The following CPNE4 variants were observed in gnomAD, a reference collection of about 807,000 sequenced individuals.
The protein encoded by CPNE4 is copine 4.
Under a neutral mutation model 67.9 loss-of-function variants are expected in CPNE4, and 25 were observed. The ratio of observed to expected loss-of-function variants is 0.37; its 90% CI spans 0.27 to 0.51. CPNE4 has a LOEUF of 0.51. CPNE4 is among the 20% of genes least tolerant of loss of function. CPNE4 has a pLI of 0.93. For missense variants in CPNE4, 464 were observed against 690.8 expected, an observed-to-expected ratio of 0.67 and a Z score of 3.68; for synonymous variants, 242 against 244.9, an observed-to-expected ratio of 0.99 and a Z score of 0.11.
chr3:131,932,855 T>C (rs1161156139), intron 1 of CPNE4, among the ~76,000 whole-genome samples: 1 of 152,078 alleles, frequency 6.6e-6, no homozygotes, highest in Non-Finnish European at 1.5e-5. Context: ...CCATCTCTAC[T>C]AAGAATACAA....
chr3:131,728,937 CG>C (rs370286812), intron 2 of CPNE4, among the ~76,000 whole-genome samples: 9 of 146,994 alleles, frequency 6.1e-5, no homozygotes, highest in African/African-American at 2.3e-4. Flanking sequence ...GGCTTGTGTG[CG>C]GGGCAATGTG....
chr3:131,893,696 A>G (rs2088208599), intron 2 of CPNE4, among the ~76,000 whole-genome samples: 1 of 152,030 alleles, frequency 6.6e-6, no homozygotes, highest in East Asian at 1.9e-4. Flanking sequence ...GAAATTAAAC[A>G]GCACGCTCTT....
intron 2 of CPNE4, among the ~76,000 whole-genome samples, chr3:131,893,791 C>T (rs977187893): frequency 4.0e-5 from 6 of 151,700 alleles, no homozygotes; most frequent in African/African-American, 1.4e-4. Flanking sequence ...TGCATCATAC[C>T]AAAACCTGTG....
At chr3:131,969,532 T>A (rs1354468983) in intron 1 of CPNE4, among the ~76,000 whole-genome samples, 2 of 152,144 alleles carry the variant, frequency 1.3e-5, no homozygotes, top group African/African-American at 4.8e-5. Flanking sequence ...TTTTAGCATA[T>A]AATAAACTCT....
chr3:131,558,396 C>G (rs1201833950), intron 11 of CPNE4, among the ~76,000 whole-genome samples: 2 of 152,008 alleles, frequency 1.3e-5, no homozygotes, highest in African/African-American at 4.8e-5. Flanking sequence ...ATTGGATCCA[C>G]TCAGCACCCA....
intron 14 of CPNE4, among the ~76,000 whole-genome samples, chr3:131,547,203 C>T (rs1368080991): frequency 6.6e-6 from 1 of 151,816 alleles, no homozygotes; most frequent in African/African-American, 2.4e-5. Context: ...GCCTATAACC[C>T]CAGAACGTTG....
At position 131,582,553 on chromosome 3, in the gene CPNE4, T is replaced by C. The variant is rs183156524; in HGVS notation, c.781-888A>G. Among the ~76,000 whole-genome samples, 19 of 152,354 alleles carry C rather than the reference T, an allele frequency of 1.2e-4. No homozygotes were observed. In the East Asian group the frequency reaches 3.7e-3, roughly 29 times the overall value. On this transcript the variant is annotated intron_variant, in intron 8 of 15. Transcript: ENST00000429747. ...CTGAGGCAGGTGCAAATGGATAGGC[T>C]GATATAGCAGTGGCCTCCCATAATC...
At chr3:131,687,993 G>A (rs2080937258) in intron 5 of CPNE4, among the ~76,000 whole-genome samples, 1 of 152,200 alleles carries the variant, frequency 6.6e-6, no homozygotes, top group African/African-American at 2.4e-5. Flanking sequence ...TGGAGACAAT[G>A]CTGGCAAAGT....
intron 9 of CPNE4, among the ~76,000 whole-genome samples, chr3:131,576,779 A>G (rs78852854): frequency 0.037 from 5,623 of 152,084 alleles, 299 homozygotes; most frequent in African/African-American, 0.12. Flanking sequence ...AAGCAGGCCT[A>G]GGATTGGATA....
intron 6 of CPNE4, among the ~76,000 whole-genome samples, chr3:131,676,687 T>C (rs888055906): frequency 1.3e-5 from 2 of 152,144 alleles, no homozygotes; most frequent in African/African-American, 4.8e-5. Flanking sequence ...CCTAGCTCCA[T>C]CCATGTCCTT....
chr3:131,979,820 G>A (rs1361831932), intron 1 of CPNE4, among the ~76,000 whole-genome samples: 1 of 151,932 alleles, frequency 6.6e-6, no homozygotes, highest in Non-Finnish European at 1.5e-5. Flanking sequence ...AAGAGACTCT[G>A]TTGTGATGTG....
intron 1 of CPNE4, among the ~76,000 whole-genome samples, chr3:132,017,249 G>A (rs913946371): frequency 6.6e-6 from 1 of 152,026 alleles, no homozygotes; most frequent in African/African-American, 2.4e-5. Context: ...GAAAGGAAAT[G>A]ATAAAAGAGA....
intron 2 of CPNE4, among the ~76,000 whole-genome samples, chr3:131,866,348 C>T (rs7621543): frequency 0.67 from 101,194 of 152,080 alleles, 34,047 homozygotes; most frequent in Admixed American, 0.74. Context: ...AGGGCTGAGG[C>T]CTCCGGGATC....
chr3:131,906,917 G>T (rs1386377865), intron 1 of CPNE4, among the ~76,000 whole-genome samples: 2 of 151,730 alleles, frequency 1.3e-5, no homozygotes, highest in Admixed American at 6.6e-5. Flanking sequence ...AGCACCTGTT[G>T]TTTCCTGACT....
At chr3:131,649,607 C>A (rs1582954815) in intron 7 of CPNE4, among the ~76,000 whole-genome samples, 1 of 152,282 alleles carries the variant, frequency 6.6e-6, no homozygotes. Flanking sequence ...ACTGTGAGAG[C>A]TGGGGCAAGT....
intron 10 of CPNE4, among the ~76,000 whole-genome samples, chr3:131,570,494 C>T (rs1179561157): frequency 1.3e-5 from 2 of 151,940 alleles, no homozygotes; most frequent in African/African-American, 2.4e-5. Flanking sequence ...AAATACTGTA[C>T]GGCATCTGTC....
At chr3:131,940,709 G>A (rs2071360565) in intron 1 of CPNE4, among the ~76,000 whole-genome samples, 1 of 152,040 alleles carries the variant, frequency 6.6e-6, no homozygotes, top group Admixed American at 6.6e-5. Flanking sequence ...CTAGGATAAG[G>A]AAAATTAAAG....
At chr3:131,606,813 T>A (rs945420077) in intron 7 of CPNE4, among the ~76,000 whole-genome samples, 52 of 152,052 alleles carry the variant, frequency 3.4e-4, no homozygotes, top group African/African-American at 1.1e-3. Context: ...GGAAACCAAG[T>A]TTAAGATAAT....
intron 1 of CPNE4, among the ~76,000 whole-genome samples, chr3:131,983,964 C>G (rs73208130): frequency 6.6e-6 from 1 of 152,088 alleles, no homozygotes; most frequent in Non-Finnish European, 1.5e-5. Context: ...AATCATCAAG[C>G]CTTACAGTGA....
Sources: allele counts gnomAD v4.1 joint callset (sites outside exome capture counted in the v4.1 genomes callset), GRCh38; gene constraint gnomAD v4.1.1; transcripts MANE v1.5; gene names NCBI Gene and HGNC (gene_info 2026-07-23, HGNC 2026-07-21).